SCAF8: variants seen among roughly 807,000 people sequenced by gnomAD.
The protein encoded by SCAF8 is SR-related and CTD-associated factor 8.
SCAF8 carries 23 observed loss-of-function variants against 140.5 expected under a neutral mutation model. That is an observed-to-expected ratio of 0.16 (90% CI 0.12 to 0.23). SCAF8 has a LOEUF of 0.23. SCAF8 is among the 10% of genes least tolerant of loss of function. The pLI is 1.00. For synonymous variants in SCAF8, 575 were observed against 528.9 expected (o/e 1.09, Z -1.20); for missense variants, 1,397 against 1,555.7 (o/e 0.90, Z 1.72).
intron 9 of SCAF8, among the ~76,000 whole-genome samples, chr6:154,806,604 G>T (rs2114906722): frequency 6.6e-6 from 1 of 152,262 alleles, no homozygotes; most frequent in East Asian, 1.9e-4. Context: ...CTAGGAGCAT[G>T]GAGGGGGGAA....
intron 4 of SCAF8, among the ~76,000 whole-genome samples, chr6:154,788,822 GC>G (rs1400947699): frequency 1.3e-5 from 2 of 152,108 alleles, no homozygotes; most frequent in Non-Finnish European, 2.9e-5. Context: ...AAAAGGAGTT[GC>G]TTATCCTTTT....
chr6:154,733,782 GCT>G lies in SCAF8; in HGVS notation c.-115_-114del. On this transcript the variant is annotated 5_prime_UTR_variant, in exon 1 of 20. Transcript: ENST00000367178. ...CTCCGCCCCGAGGTCGCAGCGGCCC[GCT>G]CTCCCGCCAGCGCCCCCTCCTCGCG... 1 of 1,379,928 alleles carries G rather than the reference GCT, an allele frequency of 7.2e-7. No homozygotes were observed. Among genetic ancestry groups the G allele is most frequent in the Non-Finnish European group, 9.4e-7 (1 of 1,069,494 alleles). The allele number at this position is 1,379,928 out of a possible 1,614,324, so 85.5% of individuals were successfully genotyped here.
chr6:154,748,001 T>C (rs1778747501), intron 1 of SCAF8, among the ~76,000 whole-genome samples: 1 of 152,132 alleles, frequency 6.6e-6, no homozygotes, highest in Non-Finnish European at 1.5e-5. Flanking sequence ...GTTGTTTACA[T>C]TTTAATTGCA....
rs1265824257 is a variant in SCAF8 at position 154,758,196 on chromosome 6, G to C, written c.31-15793G>C. On this transcript the variant is annotated intron_variant, in intron 1 of 19. Coordinates refer to ENST00000367178, the MANE Select transcript of SCAF8 (RefSeq NM_014892.5). ...CAAAGTGCTGGGAATACAGGTTTGA[G>C]CCACCGTGCCTGGCCAAGTTTCACT... Among the ~76,000 whole-genome samples, 3 of 152,242 alleles carry C rather than the reference G, an allele frequency of 2.0e-5. No homozygotes were observed. The East Asian group carries it at 5.8e-4, about 29-fold the overall frequency.
At chr6:154,755,750 T>G (rs1322978286) in intron 1 of SCAF8, among the ~76,000 whole-genome samples, 1 of 152,190 alleles carries the variant, frequency 6.6e-6, no homozygotes, top group Non-Finnish European at 1.5e-5. Context: ...ACGGGAAGAT[T>G]TACTGTATGC....
At chr6:154,829,196 CT>C (rs1310070728) in intron 18 of SCAF8, among the ~76,000 whole-genome samples, 1 of 148,964 alleles carries the variant, frequency 6.7e-6, no homozygotes, top group Non-Finnish European at 1.5e-5. Flanking sequence ...TGAAATAAAT[CT>C]TTTCTTTGTA....
Position 154,733,574 on chromosome 6 carries a change from G to A in SCAF8, c.-327G>A. On this transcript the variant is annotated 5_prime_UTR_variant, in exon 1 of 20. Coordinates refer to ENST00000367178, the MANE Select transcript of SCAF8 (RefSeq NM_014892.5). ...GTGTAGGGGAAGGGGCTAGAGGGAG[G>A]GGGACCGAAACGGAGCGGGGCAGAG... 1 of 1,281,660 alleles carries A rather than the reference G, an allele frequency of 7.8e-7. No homozygotes were observed. Among genetic ancestry groups the A allele is most frequent in the Non-Finnish European group, 9.8e-7 (1 of 1,016,694 alleles). The allele number at this position is 1,281,660 out of a possible 1,614,324, so 79.4% of individuals were successfully genotyped here.
intron 1 of SCAF8, among the ~76,000 whole-genome samples, chr6:154,737,868 C>G (rs569871397): frequency 3.3e-5 from 5 of 152,102 alleles, no homozygotes; most frequent in Non-Finnish European, 5.9e-5. Context: ...AGGCCTAAGC[C>G]GTGGTGCCTG....
chr6:154,791,317 C>T (rs567081841), intron 4 of SCAF8, among the ~76,000 whole-genome samples: 1 of 152,254 alleles, frequency 6.6e-6, no homozygotes, highest in South Asian at 2.1e-4. Flanking sequence ...AATAACTAGT[C>T]TTTTCAAGTT....
chr6:154,783,263 G>A (rs545383804), intron 3 of SCAF8, among the ~76,000 whole-genome samples: 1 of 152,212 alleles, frequency 6.6e-6, no homozygotes, highest in South Asian at 2.1e-4. Context: ...ACAAGCAAAT[G>A]TGTCTACTAG....
Position 154,832,161 on chromosome 6 carries a change from G to A in SCAF8, c.2582G>A (p.Ser861Asn). The change falls in exon 20 of 20, where the codon AGT (serine) becomes AAT (asparagine). Residue 861 changes from serine (S) to asparagine (N), a missense_variant. This residue lies in a region of SCAF8 where 930 missense variants were observed against 874.6 expected (regional missense o/e 1.06). Transcript: ENST00000367178. ...NSGILGIQPP[S>N]VSNSSGLLGV... ...GGAATATTGGGAATACAGCCACCCA[G>A]TGTGTCAAATAGTTCTGGACTTTTG... 6.2e-7 allele frequency: 1 copy of A among 1,614,098 alleles called. No homozygotes were observed. The highest frequency in any genetic ancestry group is 1.1e-5 in the South Asian group (1 of 91,072).
At chr6:154,770,388 A>ACACACACACACTCTCTCTCTCTCT (rs1384942827) in intron 1 of SCAF8, among the ~76,000 whole-genome samples, 1 of 141,918 alleles carries the variant, frequency 7.0e-6, no homozygotes, top group Non-Finnish European at 1.5e-5. Context: ...ACACACACAC[A>ACACACACACACTCTCTCTCTCTCT]CTCTCTCTCT....
At chr6:154,789,684 T>C (rs1777358130) in intron 4 of SCAF8, among the ~76,000 whole-genome samples, 1 of 151,952 alleles carries the variant, frequency 6.6e-6, no homozygotes, top group African/African-American at 2.4e-5. Context: ...TAGCTGGGAC[T>C]ACAGGCTTAT....
In SCAF8 at chr6:154,788,042, T is replaced by G. The variant is rs200242654; in HGVS notation, c.321+20T>G. The G allele has an allele frequency of 7.2e-5, 113 of 1,579,718 alleles. No individual in the cohort carries two copies. The highest frequency in any genetic ancestry group is 3.2e-4 in the African/African-American group (23 of 72,558). Reference sequence around the variant, plus strand: ...GACAAGGTATGCTACTGGTTTTTTTTTTTTGTTTTTTTAAAAGTAGATACA... The same window carrying G: ...GACAAGGTATGCTACTGGTTTTTTTGTTTTGTTTTTTTAAAAGTAGATACA... On this transcript the variant is annotated intron_variant, in intron 4 of 19. Transcript: ENST00000367178.
intron 12 of SCAF8, among the ~76,000 whole-genome samples, chr6:154,812,320 A>T (rs1778120952): frequency 6.9e-6 from 1 of 144,690 alleles, no homozygotes; most frequent in Non-Finnish European, 1.5e-5. Flanking sequence ...TTTTGCAAAA[A>T]GTATTTTAAA....
intron 1 of SCAF8, among the ~76,000 whole-genome samples, chr6:154,757,863 C>T (rs73581055): frequency 0.016 from 2,365 of 151,690 alleles, 57 homozygotes; most frequent in African/African-American, 0.054. Context: ...TTGTTTTTTC[C>T]CTCGAGCAGT....
At chr6:154,830,015 T>A (rs989163200) in intron 18 of SCAF8, among the ~76,000 whole-genome samples, 7 of 152,342 alleles carry the variant, frequency 4.6e-5, no homozygotes, top group Admixed American at 4.6e-4. Context: ...CATTTCTGAA[T>A]TCACTATTCA....
At chr6:154,792,682 CA>C (rs1487045165) in intron 4 of SCAF8, 140 bp from the exon 5 acceptor site, 1 of 548,938 alleles carries the variant, frequency 1.8e-6, no homozygotes, top group Non-Finnish European at 3.0e-6. Flanking sequence ...ATGATAGAAA[CA>C]TAGAATTTTA....
rs1424846738 is a variant in SCAF8, at chr6:154,831,143, A to T, written c.2359+3A>T. The T allele has an allele frequency of 6.7e-7, 1 of 1,498,208 alleles. No homozygotes were observed. Among genetic ancestry groups the T allele is most frequent in the Non-Finnish European group, 9.1e-7 (1 of 1,102,794 alleles). 92.8% of individuals were successfully genotyped at this position (1,498,208 alleles called of 1,614,324 possible). A position where few individuals can be genotyped will look rare whatever the true frequency, so the allele number is the denominator to read the frequency against. Reference sequence around the variant, plus strand: ...TTCTGGTGAAAACACCAGATCAGGTAAATAATAATAATAAAATTTAAAAAA... The same window carrying T: ...TTCTGGTGAAAACACCAGATCAGGTTAATAATAATAATAAAATTTAAAAAA... On this transcript the variant is annotated splice_donor_region_variant and intron_variant, in intron 19 of 19. Coordinates refer to ENST00000367178, the MANE Select transcript of SCAF8 (RefSeq NM_014892.5).
Sources: gnomAD v4.1 joint callset for allele counts (sites outside exome capture counted in the v4.1 genomes callset) on GRCh38, gnomAD v4.1.1 for gene constraint, gnomAD v4.1.1 regional missense constraint, MANE v1.5 for transcripts, NCBI Gene and HGNC (gene_info 2026-07-23, HGNC 2026-07-21) for gene names.